The following RNF220 variants were observed in gnomAD, a reference collection of about 807,000 sequenced individuals.
RNF220 encodes E3 ubiquitin-protein ligase RNF220.
A neutral mutation model predicts 67.1 loss-of-function variants in RNF220; 7 were observed. That is an observed-to-expected ratio of 0.10 (90% CI 0.06 to 0.20). The LOEUF (loss-of-function observed/expected upper bound fraction) is 0.20. Ranked by LOEUF, RNF220 falls within the 10% of genes least tolerant of loss-of-function variation. The pLI is 1.00. For missense variants in RNF220, 565 were observed against 740.3 expected, an observed-to-expected ratio of 0.76 and a Z score of 2.75; for synonymous variants, 270 against 283.2, an observed-to-expected ratio of 0.95 and a Z score of 0.47.
At chr1:44,429,996 A>G (rs561431508) in intron 2 of RNF220, among the ~76,000 whole-genome samples, 64 of 152,142 alleles carry the variant, frequency 4.2e-4, no homozygotes, top group South Asian at 1.7e-3. Flanking sequence ...TGATATATCT[A>G]TGTTATAGAA....
intron 2 of RNF220, among the ~76,000 whole-genome samples, chr1:44,597,779 T>C (rs912318422): frequency 2.0e-5 from 3 of 152,070 alleles, no homozygotes; most frequent in Non-Finnish European, 4.4e-5. Context: ...CACTTCTTGG[T>C]CTTTCTCACT....
intron 2 of RNF220, among the ~76,000 whole-genome samples, chr1:44,482,919 CCTTTTTTTTTTTTTTT>C (rs1655957753): frequency 3.2e-5 from 4 of 123,158 alleles, no homozygotes; most frequent in African/African-American, 1.3e-4. Flanking sequence ...CCACACCCAG[CCTTTTTTTTTTTTTTT>C]TTTTTTTTTT....
At chr1:44,502,082 C>G (rs894992670) in intron 2 of RNF220, among the ~76,000 whole-genome samples, 1 of 100,878 alleles carries the variant, frequency 9.9e-6, no homozygotes, top group Non-Finnish European at 2.3e-5. Context: ...CACACACACA[C>G]ACACACACAC....
chr1:44,431,370 A>T (rs142500334), intron 2 of RNF220, among the ~76,000 whole-genome samples: 2,829 of 152,094 alleles, frequency 0.019, 97 homozygotes, highest in African/African-American at 0.065. Context: ...CTGCGCCTGT[A>T]ATCCAAGCTA....
chr1:44,446,160 G>GA (rs937753490), intron 2 of RNF220, among the ~76,000 whole-genome samples: 4 of 151,880 alleles, frequency 2.6e-5, no homozygotes, highest in Admixed American at 1.3e-4. Context: ...ACTTTGCAGA[G>GA]AAAAAAAAGC....
chr1:44,650,076 C>A lies in RNF220; in HGVS notation c.1629+119C>A. On this transcript the variant is annotated intron_variant, in intron 14 of 14. Transcript: ENST00000361799. This position sits in a 1 kb window ranked among gnomAD's most constrained non-coding sequence, Gnocchi z 4.3. Reference sequence around the variant, plus strand: ...AGCATGGCGCAAAGGAGAACAGAGCCAGGAGCCAGGATATTTACCCGCAGG... The same window carrying A: ...AGCATGGCGCAAAGGAGAACAGAGCAAGGAGCCAGGATATTTACCCGCAGG... The A allele has an allele frequency of 1.9e-6, 2 of 1,049,136 alleles. No individual in the cohort carries two copies. Among genetic ancestry groups the A allele is most frequent in the Non-Finnish European group, 2.8e-6 (2 of 718,664 alleles). The allele number at this position is 1,049,136 out of a possible 1,614,324, so 65.0% of individuals were successfully genotyped here.
chr1:44,562,619 C>T (rs1663662389), intron 2 of RNF220, among the ~76,000 whole-genome samples: 1 of 152,164 alleles, frequency 6.6e-6, no homozygotes, highest in Admixed American at 6.6e-5. Flanking sequence ...TGAGCAGGTC[C>T]CAGACAGCTC....
At chr1:44,513,907 C>T (rs1185801841) in intron 2 of RNF220, among the ~76,000 whole-genome samples, 4 of 152,136 alleles carry the variant, frequency 2.6e-5, no homozygotes, top group South Asian at 2.1e-4. Context: ...GGAATAGAGG[C>T]GTTTGTTAGC....
intron 2 of RNF220, among the ~76,000 whole-genome samples, chr1:44,512,457 A>C (rs187233623): frequency 6.6e-5 from 10 of 152,286 alleles, no homozygotes; most frequent in African/African-American, 2.4e-4. Flanking sequence ...GGGACCTAGA[A>C]GGGAGGTGAC....
intron 2 of RNF220, among the ~76,000 whole-genome samples, chr1:44,585,018 C>T (rs1316921053): frequency 1.3e-5 from 2 of 152,108 alleles, no homozygotes; most frequent in Non-Finnish European, 2.9e-5. Flanking sequence ...CATTTCTAAT[C>T]CAGTTGCCTG....
intron 2 of RNF220, among the ~76,000 whole-genome samples, chr1:44,590,301 C>T (rs549760773): frequency 6.2e-4 from 94 of 152,286 alleles, no homozygotes; most frequent in African/African-American, 1.9e-3. Flanking sequence ...AAGGAAAGTC[C>T]GGGGAGGGGC....
At chr1:44,520,660 G>C (rs1272449166) in intron 2 of RNF220, among the ~76,000 whole-genome samples, 1 of 152,204 alleles carries the variant, frequency 6.6e-6, no homozygotes, top group Admixed American at 6.5e-5. Context: ...CCCCCAGACA[G>C]ATTGAACAGT....
At chr1:44,410,922 G>A (rs1369831932) in intron 1 of RNF220, among the ~76,000 whole-genome samples, 1 of 152,128 alleles carries the variant, frequency 6.6e-6, no homozygotes, top group Non-Finnish European at 1.5e-5. Context: ...TGGAACCACT[G>A]ACTATGAAAA....
rs1170390902 is a variant in RNF220 at position 44,405,406 on chromosome 1, C to T, written c.-242C>T. 5.0e-6 allele frequency: 3 copies of T among 596,308 alleles called. No homozygotes were observed. Among genetic ancestry groups the T allele is most frequent in the Non-Finnish European group, 9.2e-6 (3 of 326,820 alleles). 36.9% of individuals were successfully genotyped at this position (596,308 alleles called of 1,614,324 possible). A position where few individuals can be genotyped will look rare whatever the true frequency, so the allele number is the denominator to read the frequency against. On this transcript the variant is annotated 5_prime_UTR_variant, in exon 1 of 15. Coordinates refer to ENST00000361799, the MANE Select transcript of RNF220 (RefSeq NM_018150.4). ...CTGCTGCTGCTGCTGCCGCTGCCGCCGCCGCCGCCGCCGCTGCCTCCGCCG... is the reference window on the plus strand; with the variant it reads ...CTGCTGCTGCTGCTGCCGCTGCCGCTGCCGCCGCCGCCGCTGCCTCCGCCG...
At chr1:44,453,173 G>T (rs1287025659) in intron 2 of RNF220, among the ~76,000 whole-genome samples, 2 of 152,070 alleles carry the variant, frequency 1.3e-5, no homozygotes, top group East Asian at 1.9e-4. Context: ...TTTTATTAAG[G>T]CTTTACTAAA....
At chr1:44,571,844 A>G (rs904522170) in intron 2 of RNF220, among the ~76,000 whole-genome samples, 2 of 152,172 alleles carry the variant, frequency 1.3e-5, no homozygotes, top group Non-Finnish European at 2.9e-5. Context: ...AAATGGCACC[A>G]CAATCTTAAA....
At chr1:44,639,521 C>T (rs1171978195) in intron 8 of RNF220, among the ~76,000 whole-genome samples, 1 of 152,238 alleles carries the variant, frequency 6.6e-6, no homozygotes, top group Non-Finnish European at 1.5e-5. Flanking sequence ...TATCTTTAAG[C>T]CCTGGCGGTG....
chr1:44,638,105 GT>G (rs1348001367), intron 8 of RNF220, among the ~76,000 whole-genome samples: 1 of 152,228 alleles, frequency 6.6e-6, no homozygotes, highest in African/African-American at 2.4e-5. Flanking sequence ...CCAAAACCCT[GT>G]CTGCAAAAGC....
intron 2 of RNF220, among the ~76,000 whole-genome samples, chr1:44,609,287 C>T (rs910039014): frequency 1.2e-4 from 19 of 152,264 alleles, no homozygotes; most frequent in African/African-American, 4.3e-4. Context: ...TCATCCCTGT[C>T]AGACACCAGT....
Sources: gnomAD v4.1 joint callset for allele counts (sites outside exome capture counted in the v4.1 genomes callset) on GRCh38, gnomAD v4.1.1 for gene constraint, Gnocchi (gnomAD v3.1) non-coding constraint, MANE v1.5 for transcripts, NCBI Gene and HGNC (gene_info 2026-07-23, HGNC 2026-07-21) for gene names.